The following TMIE variants were observed in gnomAD, a reference collection of about 807,000 sequenced individuals.
TMIE encodes the protein transmembrane inner ear expressed protein.
In TMIE, 14 loss-of-function variants were observed where a neutral mutation model predicts 16.8. That is an observed-to-expected ratio of 0.83 (90% confidence interval 0.55 to 1.30). TMIE has a LOEUF of 1.30. TMIE is among the 50% of genes most tolerant of loss of function. The pLI is 0.00. For synonymous variants in TMIE, 75 were observed against 87.2 expected (o/e 0.86, Z 0.78); for missense variants, 204 against 205.9 (o/e 0.99, Z 0.06).
intron 2 of TMIE, 110 bp from the exon 3 acceptor site, chr3:46,709,016 G>A: frequency 4.9e-6 from 7 of 1,419,908 alleles, no homozygotes; most frequent in Non-Finnish European, 6.9e-6. Flanking sequence ...CCAGGGTCTG[G>A]TGGGTGAGAC....
chr3:46,695,915 G>A (rs980749915), intron 1 of TMIE, among the ~76,000 whole-genome samples: 13 of 152,142 alleles, frequency 8.5e-5, no homozygotes, highest in African/African-American at 2.9e-4. Context: ...TGCTAAATGG[G>A]GCAAGACCTG....
chr3:46,707,480 G>C (rs560310967), intron 2 of TMIE, among the ~76,000 whole-genome samples: 2 of 152,292 alleles, frequency 1.3e-5, no homozygotes, highest in East Asian at 1.9e-4. Flanking sequence ...CCCTCTCCTG[G>C]GGGGAAACAT....
At position 46,701,444 on chromosome 3, in the gene TMIE, G is replaced by A; in HGVS notation, c.-44G>A. The A allele has an allele frequency of 3.5e-6, 5 of 1,409,814 alleles. No individual in the cohort carries two copies. Among genetic ancestry groups the A allele is most frequent in the Non-Finnish European group, 4.6e-6 (5 of 1,077,048 alleles). The allele number at this position is 1,409,814 out of a possible 1,614,324, so 87.3% of individuals were successfully genotyped here. On this transcript the variant is annotated 5_prime_UTR_variant, in exon 1 of 4. Coordinates refer to ENST00000643606, the MANE Select transcript of TMIE (RefSeq NM_147196.3). This position sits in a 1 kb window ranked among gnomAD's most constrained non-coding sequence, Gnocchi z 4.3. ...TGGCAGGGGCAGTGACCGGCGGCCG[G>A]CCCGTTCGTCCCTGGGCTCCGCAAG...
At position 46,701,398 on chromosome 3, in the gene TMIE, C is replaced by T; in HGVS notation, c.-90C>T. On this transcript the variant is annotated 5_prime_UTR_variant, in exon 1 of 4. Coordinates refer to ENST00000643606, the MANE Select transcript of TMIE (RefSeq NM_147196.3). The surrounding 1 kb of genome is among the most constrained non-coding windows in gnomAD (Gnocchi z 4.3). Reference sequence around the variant, plus strand: ...CTCGCTGACTACCCGTGGCCAAAGCCCGTGGCCACCGAGCGCCGGCTGGCA... The same window carrying T: ...CTCGCTGACTACCCGTGGCCAAAGCTCGTGGCCACCGAGCGCCGGCTGGCA... 1 of 1,091,888 alleles carries T rather than the reference C, an allele frequency of 9.2e-7. No individual in the cohort carries two copies. The highest frequency in any genetic ancestry group is 1.3e-6 in the Non-Finnish European group (1 of 792,260). 67.6% of individuals were successfully genotyped at this position (1,091,888 alleles called of 1,614,324 possible).
Position 46,709,121 on chromosome 3 carries a change from T to C in TMIE, c.212-5T>C, listed in dbSNP as rs1700588826. 1.2e-6 allele frequency: 2 copies of C among 1,613,922 alleles called. No individual in the cohort carries two copies. Among genetic ancestry groups the C allele is most frequent in the Non-Finnish European group, 1.7e-6 (2 of 1,180,020 alleles). On this transcript the variant is annotated splice_polypyrimidine_tract_variant and splice_region_variant and intron_variant, in intron 2 of 3. Transcript: ENST00000643606. ...CCAGCCAAGCCTGCTCTGTCCTCCC[T>C]ACAGTCATCACGCTGTGCTGTGTCT...
chr3:46,707,559 G>T (rs1700567949), intron 2 of TMIE, among the ~76,000 whole-genome samples: 1 of 152,224 alleles, frequency 6.6e-6, no homozygotes, highest in Non-Finnish European at 1.5e-5. Context: ...AGGAAAAGGG[G>T]CTGGGGCTAG....
Position 46,701,457 on chromosome 3 carries a change from T to C in TMIE, c.-31T>C. 7 of 1,392,432 alleles carry C rather than the reference T, an allele frequency of 5.0e-6. No individual in the cohort carries two copies. Among genetic ancestry groups the C allele is most frequent in the Non-Finnish European group, 6.5e-6 (7 of 1,074,428 alleles). 86.3% of individuals were successfully genotyped at this position (1,392,432 alleles called of 1,614,324 possible). On this transcript the variant is annotated 5_prime_UTR_variant, in exon 1 of 4. Transcript: ENST00000643606. This position sits in a 1 kb window ranked among gnomAD's most constrained non-coding sequence, Gnocchi z 4.3. ...GACCGGCGGCCGGCCCGTTCGTCCC[T>C]GGGCTCCGCAAGCGGCGCGGTGGCA... is the stretch of plus-strand genomic sequence containing the variant.
chr3:46,698,363 G>T (rs1256755336), upstream of TMIE, among the ~76,000 whole-genome samples: 1 of 151,712 alleles, frequency 6.6e-6, no homozygotes, highest in Non-Finnish European at 1.5e-5. Context: ...TTTTTATACA[G>T]TGTAGTATCA....
chr3:46,699,060 A>ATTTTTTT (rs397951323), upstream of TMIE, among the ~76,000 whole-genome samples: 1 of 84,854 alleles, frequency 1.2e-5, no homozygotes, highest in Non-Finnish European at 2.1e-5. Flanking sequence ...GGTGTTTCTT[A>ATTTTTTT]TTTTTTTTTT....
intron 2 of TMIE, 66 bp downstream of exon 2, chr3:46,705,973 G>A: frequency 6.5e-7 from 1 of 1,527,054 alleles, no homozygotes; most frequent in South Asian, 1.1e-5. Flanking sequence ...CTGCCCCCCA[G>A]AGGGCTCAGA....
At chr3:46,708,432 A>G (rs1700578375) in intron 2 of TMIE, among the ~76,000 whole-genome samples, 1 of 152,206 alleles carries the variant, frequency 6.6e-6, no homozygotes, top group African/African-American at 2.4e-5. Context: ...CCTTAGGAAA[A>G]TAAACTCAGT....
At chr3:46,704,329 C>CAGGGCAGGACCATGTCCCTAGACACCG (rs1700517127) in intron 1 of TMIE, among the ~76,000 whole-genome samples, 1 of 150,436 alleles carries the variant, frequency 6.6e-6, no homozygotes, top group Non-Finnish European at 1.5e-5. Context: ...CCTAGACACC[C>CAGGGCAGGACCATGTCCCTAGACACCG]AGGGCAGGAA....
intron 2 of TMIE, among the ~76,000 whole-genome samples, chr3:46,707,244 G>A (rs989532269): frequency 1.3e-5 from 2 of 152,248 alleles, no homozygotes; most frequent in African/African-American, 2.4e-5. Context: ...GCAGGTCTAC[G>A]GAGCAGCAGG....
intron 1 of TMIE, among the ~76,000 whole-genome samples, chr3:46,704,439 G>A (rs1700519556): frequency 1.4e-5 from 2 of 140,642 alleles, no homozygotes; most frequent in African/African-American, 5.4e-5. Context: ...TAGACACCCA[G>A]GGCAGGACCA....
intron 2 of TMIE, among the ~76,000 whole-genome samples, chr3:46,706,394 G>A (rs1259585442): frequency 6.6e-6 from 1 of 152,168 alleles, no homozygotes; most frequent in African/African-American, 2.4e-5. Flanking sequence ...TTAAAAGCAG[G>A]AAACCCATTC....
chr3:46,710,584 A>T lies in TMIE; in HGVS notation c.*896A>T, dbSNP rs546274226. The T allele has an allele frequency of 6.6e-6, 1 of 152,268 alleles. No homozygotes were observed. Among genetic ancestry groups the T allele is most frequent in the Non-Finnish European group, 1.5e-5 (1 of 68,058 alleles). The allele number at this position is 152,268 out of a possible 1,614,324, so 9.4% of individuals were successfully genotyped here. On this transcript the variant is annotated 3_prime_UTR_variant, in exon 4 of 4. Coordinates refer to ENST00000643606, the MANE Select transcript of TMIE (RefSeq NM_147196.3). ...CTGGGAGGTCCCAGGGCCCTAGAAGATCACAGCAGGGCCTTCTGCCTGCTG... is the reference window on the plus strand; with the variant it reads ...CTGGGAGGTCCCAGGGCCCTAGAAGTTCACAGCAGGGCCTTCTGCCTGCTG...
intron 2 of TMIE, among the ~76,000 whole-genome samples, chr3:46,707,528 G>A (rs1441435308): frequency 2.0e-5 from 3 of 152,198 alleles, no homozygotes; most frequent in Admixed American, 6.5e-5. Flanking sequence ...TGTTATTGGA[G>A]CATCACCCCC....
upstream of TMIE, among the ~76,000 whole-genome samples, chr3:46,698,580 C>T (rs1700430425): frequency 6.6e-6 from 1 of 152,080 alleles, no homozygotes; most frequent in African/African-American, 2.4e-5. Context: ...GCCCATGATC[C>T]TGAATTATAT....
At chr3:46,704,469 G>T (rs1241077920) in intron 1 of TMIE, among the ~76,000 whole-genome samples, 2 of 142,084 alleles carry the variant, frequency 1.4e-5, no homozygotes, top group African/African-American at 5.3e-5. Context: ...GACACCCAGG[G>T]CAGGACCATG....
Sources: gnomAD v4.1 joint callset for allele counts (sites outside exome capture counted in the v4.1 genomes callset) on GRCh38, gnomAD v4.1.1 for gene constraint, Gnocchi (gnomAD v3.1) non-coding constraint, MANE v1.5 for transcripts, NCBI Gene and HGNC (gene_info 2026-07-23, HGNC 2026-07-21) for gene names.